Variants in B3GAT2 observed in about 807,000 individuals in gnomAD.
B3GAT2 encodes the protein galactosylgalactosylxylosylprotein 3-beta-glucuronosyltransferase 2.
Under a neutral mutation model 27.8 loss-of-function variants are expected in B3GAT2, and 26 were observed. The observed-to-expected ratio is 0.93, with a 90% CI of 0.68 to 1.30. The LOEUF is 1.30. Among genes scored for constraint, B3GAT2 ranks in the 50% most tolerant of loss-of-function variants. The pLI is 0.00. For synonymous variants in B3GAT2, 218 were observed against 195.1 expected (o/e 1.12, Z -0.98); for missense variants, 458 against 459.0 (o/e 1.00, Z 0.02).
At position 70,955,941 on chromosome 6, in the gene B3GAT2, G is replaced by T; in HGVS notation, c.489C>A (p.Gly163=). The T allele has an allele frequency of 6.3e-7, 1 of 1,579,126 alleles. No homozygotes were observed. Among genetic ancestry groups the T allele is most frequent in the Non-Finnish European group, 8.6e-7 (1 of 1,164,754 alleles). Reference sequence around the variant, plus strand: ...GGTGCCTCTGGCGCAGCCAGGCGAGGCCCGCGTTGCGCTGCTCAGTGGCGC... The same window carrying T: ...GGTGCCTCTGGCGCAGCCAGGCGAGTCCCGCGTTGCGCTGCTCAGTGGCGC... The part of the protein sequence containing the change: ...LPRATEQRNA[G]LAWLRQRHQH... The change falls in exon 1 of 4, where the codon GGC becomes GGA. Residue 163 remains glycine (G), a synonymous_variant. Coordinates refer to ENST00000230053, the MANE Select transcript of B3GAT2 (RefSeq NM_080742.3).
chr6:70,902,971 T>A (rs1451608951), intron 1 of B3GAT2, among the ~76,000 whole-genome samples: 1 of 152,008 alleles, frequency 6.6e-6, no homozygotes, highest in Non-Finnish European at 1.5e-5. Context: ...CTATTGTATA[T>A]CATGGTGACT....
At chr6:70,887,788 AG>A (rs1174935608) in intron 2 of B3GAT2, among the ~76,000 whole-genome samples, 1 of 152,238 alleles carries the variant, frequency 6.6e-6, no homozygotes. Flanking sequence ...TGAGATTTGA[AG>A]GATGAGTAGG....
At chr6:70,931,345 A>G (rs904482526) in intron 1 of B3GAT2, among the ~76,000 whole-genome samples, 4 of 152,192 alleles carry the variant, frequency 2.6e-5, no homozygotes, top group African/African-American at 9.6e-5. Context: ...TAAAAAAAGA[A>G]AAAAAAAGAG....
At chr6:70,913,969 A>G (rs1772728552) in intron 1 of B3GAT2, among the ~76,000 whole-genome samples, 1 of 151,960 alleles carries the variant, frequency 6.6e-6, no homozygotes, top group Non-Finnish European at 1.5e-5. Flanking sequence ...TTTTTTGATC[A>G]TTGTTGCTTT....
chr6:70,886,203 A>T (rs1012978881), intron 2 of B3GAT2, among the ~76,000 whole-genome samples: 2 of 152,198 alleles, frequency 1.3e-5, no homozygotes, highest in African/African-American at 2.4e-5. Flanking sequence ...GTTGGAGACC[A>T]TCTCTGTAGA....
At chr6:70,890,652 C>G (rs1772272345) in intron 2 of B3GAT2, among the ~76,000 whole-genome samples, 1 of 152,200 alleles carries the variant, frequency 6.6e-6, no homozygotes, top group Non-Finnish European at 1.5e-5. Context: ...ATCAGAAGTG[C>G]AGGTGGCCTG....
chr6:70,857,627 T>G lies in B3GAT2; in HGVS notation c.*4036A>C, dbSNP rs1160240561. 7.9e-6 allele frequency: 3 copies of G among 378,238 alleles called. No homozygotes were observed. Among genetic ancestry groups the G allele is most frequent in the African/African-American group, 6.2e-5 (3 of 48,384 alleles). The allele number at this position is 378,238 out of a possible 1,614,324, so 23.4% of individuals were successfully genotyped here. A position where few individuals can be genotyped will look rare whatever the true frequency, so the allele number is the denominator to read the frequency against. ...TACAAATCAGCAATAAAACAGTGTA[T>G]GATGTCATGCTACATAGTTTGGTCT... On this transcript the variant is annotated 3_prime_UTR_variant, in exon 4 of 4. Transcript: ENST00000230053.
At chr6:70,952,223 C>A (rs1289250099) in intron 1 of B3GAT2, among the ~76,000 whole-genome samples, 1 of 152,176 alleles carries the variant, frequency 6.6e-6, no homozygotes, top group Admixed American at 6.5e-5. Context: ...CCAGAAACAT[C>A]TTCTAGATGC....
At position 70,957,060 on chromosome 6, in the gene B3GAT2, C is replaced by G; in HGVS notation, c.-631G>C. ...CTCAGAACCTCTCCGGATCCAGCAGCAAGATCCCAAAGCAAGGAAAGAAAG... is the reference window on the plus strand; with the variant it reads ...CTCAGAACCTCTCCGGATCCAGCAGGAAGATCCCAAAGCAAGGAAAGAAAG... On this transcript the variant is annotated 5_prime_UTR_variant, in exon 1 of 4. Transcript: ENST00000230053. 1.0e-6 allele frequency: 1 copy of G among 986,190 alleles called. No homozygotes were observed. The highest frequency in any genetic ancestry group is 1.2e-6 in the Non-Finnish European group (1 of 830,600). 61.1% of individuals were successfully genotyped at this position (986,190 alleles called of 1,614,324 possible). A position where few individuals can be genotyped will look rare whatever the true frequency, so the allele number is the denominator to read the frequency against.
At chr6:70,950,373 A>G (rs892191246) in intron 1 of B3GAT2, among the ~76,000 whole-genome samples, 1 of 152,158 alleles carries the variant, frequency 6.6e-6, no homozygotes, top group Non-Finnish European at 1.5e-5. Flanking sequence ...GAAAGCTAAG[A>G]GTTGACATAA....
intron 1 of B3GAT2, among the ~76,000 whole-genome samples, chr6:70,953,653 C>T (rs538450256): frequency 6.6e-6 from 1 of 152,134 alleles, no homozygotes; most frequent in East Asian, 1.9e-4. Context: ...AACAATAAAC[C>T]TGTTGTATTT....
chr6:70,939,236 G>C (rs1316268135), intron 1 of B3GAT2, among the ~76,000 whole-genome samples: 3 of 127,144 alleles, frequency 2.4e-5, no homozygotes, highest in Non-Finnish European at 4.9e-5. Context: ...TCATTAAAAA[G>C]TCAGGAAACA....
intron 1 of B3GAT2, among the ~76,000 whole-genome samples, chr6:70,900,083 A>C (rs1406206302): frequency 6.6e-6 from 1 of 152,220 alleles, no homozygotes; most frequent in Non-Finnish European, 1.5e-5. Flanking sequence ...TCTGGCCCCC[A>C]AAAGCACTCT....
chr6:70,876,764 A>T (rs1582345608), intron 2 of B3GAT2, among the ~76,000 whole-genome samples: 1 of 152,188 alleles, frequency 6.6e-6, no homozygotes, highest in East Asian at 1.9e-4. Context: ...GTAACACAAT[A>T]CTGAATGTGG....
intron 1 of B3GAT2, among the ~76,000 whole-genome samples, chr6:70,920,230 AG>A (rs1772844930): frequency 6.6e-6 from 1 of 152,230 alleles, no homozygotes; most frequent in Admixed American, 6.5e-5. Flanking sequence ...CCCACCGAGC[AG>A]GCATGGGAGG....
intron 1 of B3GAT2, among the ~76,000 whole-genome samples, chr6:70,909,140 A>ACTCT (rs112150415): frequency 2.0e-5 from 3 of 151,964 alleles, no homozygotes; most frequent in South Asian, 2.1e-4. Context: ...ACATTCACAC[A>ACTCT]CTCTCTCTCT....
At chr6:70,909,466 A>T (rs1366677073) in intron 1 of B3GAT2, among the ~76,000 whole-genome samples, 2 of 152,198 alleles carry the variant, frequency 1.3e-5, no homozygotes, top group African/African-American at 4.8e-5. Flanking sequence ...GCTTTTAAAA[A>T]TATATACACT....
At chr6:70,865,931 G>A (rs1025230944) in intron 2 of B3GAT2, among the ~76,000 whole-genome samples, 1 of 152,146 alleles carries the variant, frequency 6.6e-6, no homozygotes, top group Non-Finnish European at 1.5e-5. Context: ...ACCACAGGGA[G>A]GGGAACCCGG....
chr6:70,928,768 C>G (rs1773007729), intron 1 of B3GAT2, among the ~76,000 whole-genome samples: 1 of 152,146 alleles, frequency 6.6e-6, no homozygotes, highest in Non-Finnish European at 1.5e-5. Context: ...CCAGGAGGAG[C>G]TGGCAGGCAG....
Sources: allele counts gnomAD v4.1 joint callset (sites outside exome capture counted in the v4.1 genomes callset), GRCh38; gene constraint gnomAD v4.1.1; transcripts MANE v1.5; gene names NCBI Gene and HGNC (gene_info 2026-07-23, HGNC 2026-07-21).